OPCML: variants seen among roughly 807,000 people sequenced by gnomAD.
OPCML encodes the protein opioid binding protein/cell adhesion molecule like.
In OPCML, 13 loss-of-function variants were observed where a neutral mutation model predicts 37.8. The observed-to-expected ratio is 0.34, with a 90% CI of 0.22 to 0.55. The LOEUF (loss-of-function observed/expected upper bound fraction) is 0.55. Among genes scored for constraint, OPCML ranks in the 20% least tolerant of loss-of-function variants. The probability of loss-of-function intolerance (pLI) is 0.91; values close to 1 mark genes in which losing one functional copy is unlikely to be tolerated. For missense variants in OPCML, 341 were observed against 435.6 expected (o/e 0.78, Z 1.93); for synonymous variants, 176 against 168.8 (o/e 1.04, Z -0.33).
intron 1 of OPCML, among the ~76,000 whole-genome samples, chr11:133,171,024 G>A (rs777951317): frequency 3.3e-5 from 5 of 152,246 alleles, no homozygotes; most frequent in Non-Finnish European, 7.3e-5. Context: ...ATGAGGCTCA[G>A]CCTGTTAGCC....
At chr11:132,542,344 G>A (rs1413420083) in intron 3 of OPCML, among the ~76,000 whole-genome samples, 1 of 152,146 alleles carries the variant, frequency 6.6e-6, no homozygotes, top group Non-Finnish European at 1.5e-5. Context: ...AGATCTTTCT[G>A]CTGTGGCTTT....
At chr11:132,420,434 C>T (rs1407710761) in intron 7 of OPCML, 141 bp from the exon 8 acceptor site, 1 of 1,411,508 alleles carries the variant, frequency 7.1e-7, no homozygotes, top group East Asian at 2.6e-5. Flanking sequence ...AGGAAAAAGC[C>T]CATTGGGAGT....
At chr11:132,540,655 A>G (rs2096354116) in intron 3 of OPCML, among the ~76,000 whole-genome samples, 1 of 152,226 alleles carries the variant, frequency 6.6e-6, no homozygotes, top group Non-Finnish European at 1.5e-5. Flanking sequence ...GATGAGAGAA[A>G]TGATAGGGAA....
intron 1 of OPCML, chr11:133,297,487 T>C (rs745389759): frequency 1.5e-4 from 23 of 152,188 alleles, no homozygotes; most frequent in Non-Finnish European, 2.9e-4. Flanking sequence ...AAGGGACTGA[T>C]TGGGGACTCT....
intron 7 of OPCML, among the ~76,000 whole-genome samples, chr11:132,420,823 G>A (rs990916157): frequency 3.3e-5 from 5 of 152,190 alleles, no homozygotes; most frequent in African/African-American, 1.2e-4. Context: ...CAGCAGCTAA[G>A]GAAGGAGGAA....
At chr11:133,335,585 G>T (rs189782420) in intron 1 of OPCML, among the ~76,000 whole-genome samples, 5 of 152,240 alleles carry the variant, frequency 3.3e-5, no homozygotes, top group Middle Eastern at 3.4e-3. Context: ...TGTTTTCAAT[G>T]ATGGCCTCTG....
At chr11:132,820,539 A>G (rs1469898873) in intron 2 of OPCML, among the ~76,000 whole-genome samples, 1 of 151,704 alleles carries the variant, frequency 6.6e-6, no homozygotes, top group Admixed American at 6.6e-5. Flanking sequence ...CTGTTTTTGA[A>G]AAACATATTG....
At chr11:133,162,958 G>A (rs148366988) in intron 1 of OPCML, among the ~76,000 whole-genome samples, 1 of 152,294 alleles carries the variant, frequency 6.6e-6, no homozygotes, top group African/African-American at 2.4e-5. Flanking sequence ...GCCACCTTGG[G>A]CCTCTGCTTA....
intron 2 of OPCML, among the ~76,000 whole-genome samples, chr11:132,899,828 T>C (rs1943984150): frequency 6.6e-6 from 1 of 152,100 alleles, no homozygotes; most frequent in African/African-American, 2.4e-5. Flanking sequence ...AATAGGTTTC[T>C]TTCCTGGAGC....
intron 3 of OPCML, among the ~76,000 whole-genome samples, chr11:132,594,387 A>T (rs937488456): frequency 5.9e-5 from 9 of 152,196 alleles, no homozygotes; most frequent in African/African-American, 2.2e-4. Flanking sequence ...ATTTCTTAAG[A>T]TATATGCATG....
intron 2 of OPCML, among the ~76,000 whole-genome samples, chr11:132,803,704 T>C (rs1488755526): frequency 3.3e-5 from 5 of 152,346 alleles, no homozygotes; most frequent in Admixed American, 3.3e-4. Flanking sequence ...GGTAGCATAG[T>C]ATAGTTGTTA....
intron 2 of OPCML, among the ~76,000 whole-genome samples, chr11:132,836,837 C>G (rs558924946): frequency 9.1e-4 from 139 of 152,094 alleles, no homozygotes; most frequent in African/African-American, 1.7e-3. Context: ...CTGTGAGTGT[C>G]GGGCAGGGAG....
At chr11:132,895,768 G>T (rs1408359089) in intron 2 of OPCML, among the ~76,000 whole-genome samples, 1 of 152,122 alleles carries the variant, frequency 6.6e-6, no homozygotes, top group Non-Finnish European at 1.5e-5. Context: ...TGAGGCAGTT[G>T]CCAAGCAAGA....
intron 4 of OPCML, among the ~76,000 whole-genome samples, chr11:132,439,698 ATTTT>A (rs10548500): frequency 2.2e-4 from 33 of 147,756 alleles, no homozygotes; most frequent in Admixed American, 4.7e-4. Context: ...ACACCTCGCC[ATTTT>A]TTTTTTTTTT....
chr11:132,553,830 G>C (rs1460919843), intron 3 of OPCML, among the ~76,000 whole-genome samples: 1 of 152,166 alleles, frequency 6.6e-6, no homozygotes, highest in Non-Finnish European at 1.5e-5. Flanking sequence ...CTGCCAATCT[G>C]ACTTCACAGA....
chr11:132,618,954 TACACACACAC>T (rs6144570), intron 3 of OPCML, among the ~76,000 whole-genome samples: 8,392 of 145,338 alleles, frequency 0.058, 285 homozygotes, highest in African/African-American at 0.065. Context: ...AGCACACGCA[TACACACACAC>T]ACACACACAC....
At chr11:133,449,973 T>C (rs571172439) in intron 1 of OPCML, among the ~76,000 whole-genome samples, 1 of 151,620 alleles carries the variant, frequency 6.6e-6, no homozygotes, top group South Asian at 2.1e-4. Flanking sequence ...TAAAGGCTGT[T>C]TATGGGGAAA....
chr11:132,701,370 T>C (rs1943808985), intron 2 of OPCML, among the ~76,000 whole-genome samples: 1 of 152,232 alleles, frequency 6.6e-6, no homozygotes, highest in Non-Finnish European at 1.5e-5. Flanking sequence ...GATTTCAGTG[T>C]AGAGGCACAG....
In OPCML at chr11:132,561,167, C is replaced by A. The variant is rs191082272; in HGVS notation, c.380-31981G>T. On this transcript the variant is annotated intron_variant, in intron 3 of 7. Coordinates refer to ENST00000524381, the MANE Select transcript of OPCML (RefSeq NM_001012393.5). ...TCATTATCTGAAATGACGTGTATGTCCCCATTCCACTTCATCTTCACTATG... is the reference window on the plus strand; with the variant it reads ...TCATTATCTGAAATGACGTGTATGTACCCATTCCACTTCATCTTCACTATG... 4.9e-4 allele frequency among the ~76,000 whole-genome samples: 75 copies of A among 152,304 alleles called. 1 individual carries two copies. The highest frequency in any genetic ancestry group is 1.7e-3 in the African/African-American group (72 of 41,574).
Sources: allele counts gnomAD v4.1 joint callset (sites outside exome capture counted in the v4.1 genomes callset), GRCh38; gene constraint gnomAD v4.1.1; transcripts MANE v1.5; gene names NCBI Gene and HGNC (gene_info 2026-07-23, HGNC 2026-07-21).